ZNF85: variants seen among roughly 807,000 people sequenced by gnomAD.
ZNF85 encodes the protein zinc finger protein 85 (HPF4, HTF1).
A neutral mutation model predicts 53.9 loss-of-function variants in ZNF85; 50 were observed. The observed-to-expected ratio is 0.93, with a 90% CI of 0.74 to 1.17. ZNF85 has a LOEUF of 1.17. Ranked by LOEUF, ZNF85 falls within the 50% of genes most tolerant of loss-of-function variation. The pLI, the probability that ZNF85 is intolerant of heterozygous loss-of-function variation, is 0.00. For missense variants in ZNF85, 747 were observed against 688.5 expected (o/e 1.08, Z -0.95); for synonymous variants, 225 against 226.1 (o/e 1.00, Z 0.04).
intron 3 of ZNF85, chr19:20,937,307 G>A: frequency 2.2e-6 from 1 of 456,040 alleles, no homozygotes; most frequent in Non-Finnish European, 4.4e-6. Context: ...TTGGATTATA[G>A]ACATGAGCCT....
At chr19:20,941,243 AT>A in intron 3 of ZNF85, among the ~76,000 whole-genome samples, 1 of 152,076 alleles carries the variant, frequency 6.6e-6, no homozygotes, top group Non-Finnish European at 1.5e-5. Flanking sequence ...TTCTCTACAA[AT>A]TAGTAATTTT....
chr19:20,946,499 C>A, intron 3 of ZNF85: 1 of 244,912 alleles, frequency 4.1e-6, no homozygotes, highest in Non-Finnish European at 8.0e-6. Context: ...TTATATTGCA[C>A]TCTATGTGTT....
intron 3 of ZNF85, among the ~76,000 whole-genome samples, chr19:20,941,478 G>T (rs1973294507): frequency 6.6e-6 from 1 of 152,130 alleles, no homozygotes; most frequent in South Asian, 2.1e-4. Context: ...GGTTATGCTG[G>T]TCTTGAACTC....
rs1278267510 is a variant in ZNF85 at position 20,949,710 on chromosome 19, A to G, written c.1196A>G (p.Lys399Arg). 6.2e-7 allele frequency: 1 copy of G among 1,613,000 alleles called. No homozygotes were observed. ...ATTCATACTGGAGAGAAACCTTACA[A>G]ATGTAAAGAATGTGGTAAAGCTTTT... ...KIIHTGEKPY[K>R]CKECGKAFKH... The change falls in exon 4 of 4, where the codon AAA (lysine) becomes AGA (arginine). Residue 399 changes from lysine (K) to arginine (R), a missense_variant. Transcript: ENST00000328178.
At chr19:20,946,701 T>A (rs1973431023) in intron 3 of ZNF85, among the ~76,000 whole-genome samples, 1 of 152,112 alleles carries the variant, frequency 6.6e-6, no homozygotes, top group Admixed American at 6.5e-5. Flanking sequence ...GTACATTTTA[T>A]AAAATATGAC....
intron 3 of ZNF85, among the ~76,000 whole-genome samples, chr19:20,939,313 T>C (rs1402382167): frequency 1.3e-5 from 2 of 152,210 alleles, no homozygotes; most frequent in East Asian, 3.9e-4. Context: ...TGGAGTGCAG[T>C]GGCATGATCT....
chr19:20,949,740 ACT>A lies in ZNF85; in HGVS notation c.1229_1230del (p.Ser410PhefsTer5), dbSNP rs757840734. 3 of 1,612,304 alleles carry A rather than the reference ACT, an allele frequency of 1.9e-6. No individual in the cohort carries two copies. Among genetic ancestry groups the A allele is most frequent in the Admixed American group, 1.7e-5 (1 of 59,826 alleles). Reference sequence around the variant, plus strand: ...AAAGAATGTGGTAAAGCTTTTAAACACTCTTCAACCCTTACTAAACATAAGAT... The same window carrying A: ...AAAGAATGTGGTAAAGCTTTTAAACACTTCAACCCTTACTAAACATAAGAT... On this transcript the variant is annotated frameshift_variant, in exon 4 of 4. Transcript: ENST00000328178. LOFTEE classifies it high-confidence loss of function.
intron 1 of ZNF85, among the ~76,000 whole-genome samples, chr19:20,930,675 T>G (rs1330814543): frequency 6.6e-6 from 1 of 152,246 alleles, no homozygotes; most frequent in Non-Finnish European, 1.5e-5. Context: ...GTACATGTTG[T>G]TGCCAAATGC....
chr19:20,932,014 C>G (rs1973034325), intron 1 of ZNF85, among the ~76,000 whole-genome samples: 4 of 152,134 alleles, frequency 2.6e-5, no homozygotes. Context: ...TGGAGCAGCT[C>G]ATTGTTCCTG....
intron 3 of ZNF85, among the ~76,000 whole-genome samples, chr19:20,947,724 T>C (rs980113751): frequency 4.6e-5 from 7 of 151,528 alleles, no homozygotes; most frequent in Admixed American, 4.6e-4. Context: ...TTCTAGTTTG[T>C]TGAGCTTCTT....
intron 1 of ZNF85, 90 bp from the exon 2 acceptor site, chr19:20,933,934 C>T (rs1973087195): frequency 7.5e-7 from 1 of 1,332,858 alleles, no homozygotes; most frequent in Non-Finnish European, 9.9e-7. Context: ...ATTAAAAATG[C>T]TTTTCATAAC....
intron 3 of ZNF85, among the ~76,000 whole-genome samples, chr19:20,946,099 C>T (rs1973413718): frequency 1.3e-5 from 2 of 150,348 alleles, no homozygotes; most frequent in South Asian, 2.1e-4. Context: ...ATTCCATATA[C>T]TTCTGAGGTT....
intron 3 of ZNF85, chr19:20,946,318 T>C (rs1177658222): frequency 2.4e-6 from 1 of 421,486 alleles, no homozygotes; most frequent in Non-Finnish European, 4.7e-6. Flanking sequence ...TCAAAAAGAA[T>C]GTCGTATGAG....
chr19:20,948,858 G>T lies in ZNF85; in HGVS notation c.344G>T (p.Arg115Ile), dbSNP rs56231962. 191,049 of 1,612,734 alleles carry T rather than the reference G, an allele frequency of 0.12. 11,882 individuals carry two copies. The highest frequency in any genetic ancestry group is 0.13 in the Non-Finnish European group (151,516 of 1,179,428). ...TGTAGACATGAAAATTTACCATTAAGAAAAGGCTGTGAAAGTATGGATGAG... is the reference window on the plus strand; with the variant it reads ...TGTAGACATGAAAATTTACCATTAATAAAAGGCTGTGAAAGTATGGATGAG... Reference protein sequence around the residue: ...GKCRHENLPLRKGCESMDECK... With the variant: ...GKCRHENLPLIKGCESMDECK... Residue 115 changes from arginine (R) to isoleucine (I), a missense_variant, in exon 4 of 4, where the codon AGA (arginine) becomes ATA (isoleucine). Coordinates refer to ENST00000328178, the MANE Select transcript of ZNF85 (RefSeq NM_003429.5).
Position 20,934,080 on chromosome 19 carries a change from C to T in ZNF85, c.60C>T (p.Cys20=). The T allele has an allele frequency of 2.5e-6, 4 of 1,607,490 alleles. No homozygotes were observed. Among genetic ancestry groups the T allele is most frequent in the Non-Finnish European group, 1.7e-6 (2 of 1,176,458 alleles). ...AIEFSLKEWQ[C]LDTAQRNLYR... ...AATTCTCTCTGAAGGAGTGGCAATG[C>T]CTGGACACTGCACAGCGGAATTTAT... Residue 20 remains cysteine, a synonymous_variant, in exon 2 of 4, where the codon TGC becomes TGT. Coordinates refer to ENST00000328178, the MANE Select transcript of ZNF85 (RefSeq NM_003429.5).
At position 20,949,361 on chromosome 19, in the gene ZNF85, G is replaced by A; in HGVS notation, c.847G>A (p.Glu283Lys). 1 of 1,609,518 alleles carries A rather than the reference G, an allele frequency of 6.2e-7. No individual in the cohort carries two copies. Among genetic ancestry groups the A allele is most frequent in the East Asian group, 2.2e-5 (1 of 44,778 alleles). The change falls in exon 4 of 4, where the codon GAG becomes AAG. Residue 283 changes from glutamate (E) to lysine (K), a missense_variant. By Grantham distance (56) the Glu-to-Lys change is moderately conservative. Transcript: ENST00000328178. ...LTTHKIIHTG[E>K]KPYKCKECGK... ...TACCCATAAGATAATTCATACTGGA[G>A]AGAAACCCTACAAATGTAAAGAATG... is the stretch of plus-strand genomic sequence containing the variant.
chr19:20,923,538 C>T, intron 1 of ZNF85, 135 bp downstream of exon 1: 3 of 1,443,076 alleles, frequency 2.1e-6, no homozygotes, highest in Non-Finnish European at 2.8e-6. Context: ...CCCAGCTCGG[C>T]CCCAGTTCCT....
intron 3 of ZNF85, chr19:20,942,812 G>C (rs533936690): frequency 1.4e-6 from 1 of 699,578 alleles, no homozygotes; most frequent in South Asian, 1.5e-5. Context: ...ATCTTACTCT[G>C]TCACCCAGTC....
intron 1 of ZNF85, chr19:20,927,464 G>A (rs1347649642): frequency 6.8e-6 from 1 of 147,612 alleles, no homozygotes; most frequent in Non-Finnish European, 1.5e-5. Flanking sequence ...AAAAAAAAAA[G>A]TATTTTATTT....
Sources: gnomAD v4.1 joint callset for allele counts (sites outside exome capture counted in the v4.1 genomes callset) on GRCh38, gnomAD v4.1.1 for gene constraint, MANE v1.5 for transcripts, NCBI Gene and HGNC (gene_info 2026-07-23, HGNC 2026-07-21) for gene names.